CCSER1: variants seen among roughly 807,000 people sequenced by gnomAD.
CCSER1 encodes serine-rich coiled-coil domain-containing protein 1.
CCSER1 carries 41 observed loss-of-function variants against 82.0 expected under a neutral mutation model. The ratio of observed to expected loss-of-function variants is 0.50; its 90% CI spans 0.39 to 0.65. The LOEUF (loss-of-function observed/expected upper bound fraction) is 0.65. Among genes scored for constraint, CCSER1 ranks in the 30% least tolerant of loss-of-function variants. The pLI, the probability that CCSER1 is intolerant of heterozygous loss-of-function variation, is 0.00. For synonymous variants in CCSER1, 414 were observed against 383.9 expected, an observed-to-expected ratio of 1.08 and a Z score of -0.92; for missense variants, 1,119 against 1,064.2, an observed-to-expected ratio of 1.05 and a Z score of -0.72.
chr4:91,347,390 T>G (rs1270774505), intron 10 of CCSER1, among the ~76,000 whole-genome samples: 1 of 152,114 alleles, frequency 6.6e-6, no homozygotes, highest in African/African-American at 2.4e-5. Context: ...TGAAGTTTGG[T>G]AGTATCAGTC....
intron 5 of CCSER1, among the ~76,000 whole-genome samples, chr4:90,484,334 G>A (rs141845257): frequency 0.014 from 2,195 of 152,094 alleles, 45 homozygotes; most frequent in African/African-American, 0.05. Context: ...CCTTTAGCTC[G>A]GAGTAGTTTG....
intron 6 of CCSER1, among the ~76,000 whole-genome samples, chr4:90,640,738 G>A (rs540110108): frequency 1.5e-3 from 224 of 152,144 alleles, no homozygotes; most frequent in African/African-American, 5.1e-3. Context: ...GTTTAATAAG[G>A]GACTTTTTCC....
chr4:91,007,758 CTATT>C (rs1455051952), intron 9 of CCSER1, among the ~76,000 whole-genome samples: 1 of 147,452 alleles, frequency 6.8e-6, no homozygotes, highest in African/African-American at 2.5e-5. Flanking sequence ...TTGATATTTA[CTATT>C]TCTTTCCTTT....
intron 3 of CCSER1, among the ~76,000 whole-genome samples, chr4:90,389,331 C>G (rs1471083411): frequency 6.6e-6 from 1 of 152,138 alleles, no homozygotes; most frequent in Admixed American, 6.5e-5. Flanking sequence ...GACAACTAAG[C>G]AAGTATAGGG....
chr4:91,328,921 G>GGA (rs902719424), intron 10 of CCSER1, among the ~76,000 whole-genome samples: 3 of 151,990 alleles, frequency 2.0e-5, no homozygotes, highest in Admixed American at 6.6e-5. Flanking sequence ...GAGATCTGAG[G>GGA]GATTTATAAG....
At position 90,811,995 on chromosome 4, in the gene CCSER1, C is replaced by CACACACACACACATATATAT. The variant is rs367800484; in HGVS notation, c.2011-3766_2011-3765insCACACACACACATATATATA. On this transcript the variant is annotated intron_variant, in intron 7 of 10. Coordinates refer to ENST00000509176, the MANE Select transcript of CCSER1 (RefSeq NM_001145065.2). Reference sequence around the variant, plus strand: ...ATATATATATATATATATATAAACACATATATATATATGAGTTTATTAAGT... The same window carrying CACACACACACACATATATAT: ...ATATATATATATATATATATAAACACACACACACACACATATATATATATATATATATGAGTTTATTAAGT... Among the ~76,000 whole-genome samples, 18 of 142,772 alleles carry CACACACACACACATATATAT rather than the reference C, an allele frequency of 1.3e-4. 1 individual carries two copies. The highest frequency in any genetic ancestry group is 4.2e-4 in the African/African-American group (16 of 38,486). 93.7% of individuals were successfully genotyped at this position (142,772 alleles called of 152,430 possible).
intron 8 of CCSER1, among the ~76,000 whole-genome samples, chr4:90,866,216 A>G (rs532699328): frequency 2.0e-5 from 3 of 152,070 alleles, no homozygotes; most frequent in South Asian, 4.2e-4. Context: ...TCTCCTTGAC[A>G]ATGGCTAGCA....
At chr4:91,541,577 A>G (rs1005286912) in intron 10 of CCSER1, among the ~76,000 whole-genome samples, 24 of 152,154 alleles carry the variant, frequency 1.6e-4, no homozygotes, top group Non-Finnish European at 2.8e-4. Context: ...TTATGGCTGC[A>G]TAGTATTCCA....
chr4:91,402,192 C>G (rs1167395851), intron 10 of CCSER1, among the ~76,000 whole-genome samples: 1 of 152,140 alleles, frequency 6.6e-6, no homozygotes, highest in Non-Finnish European at 1.5e-5. Flanking sequence ...GCATAAATGT[C>G]TTCTTTTGAG....
At chr4:90,976,366 CT>C (rs913325715) in intron 9 of CCSER1, among the ~76,000 whole-genome samples, 2 of 150,974 alleles carry the variant, frequency 1.3e-5, no homozygotes, top group East Asian at 1.9e-4. Flanking sequence ...AATAAGATTT[CT>C]TTTTTGTATG....
chr4:90,389,236 T>G (rs1359637122), intron 3 of CCSER1, among the ~76,000 whole-genome samples: 1 of 152,150 alleles, frequency 6.6e-6, no homozygotes, highest in African/African-American at 2.4e-5. Flanking sequence ...TTATACACAC[T>G]GACAGTTGTG....
intron 8 of CCSER1, among the ~76,000 whole-genome samples, chr4:90,895,763 A>G (rs1723619867): frequency 6.6e-6 from 1 of 151,866 alleles, no homozygotes; most frequent in Non-Finnish European, 1.5e-5. Flanking sequence ...TTATATATAT[A>G]TTTCTCCCCT....
chr4:91,194,142 G>A (rs1293371281), intron 10 of CCSER1, among the ~76,000 whole-genome samples: 1 of 151,968 alleles, frequency 6.6e-6, no homozygotes, highest in Non-Finnish European at 1.5e-5. Context: ...GCTAATTTTT[G>A]TATTTTTAGT....
intron 5 of CCSER1, among the ~76,000 whole-genome samples, chr4:90,494,528 A>G (rs936622440): frequency 4.0e-5 from 6 of 151,792 alleles, no homozygotes; most frequent in African/African-American, 1.2e-4. Flanking sequence ...AAGCACTCCT[A>G]AATTCTTGTT....
intron 10 of CCSER1, among the ~76,000 whole-genome samples, chr4:91,480,363 T>C (rs934034862): frequency 6.6e-6 from 1 of 152,144 alleles, no homozygotes; most frequent in Admixed American, 6.5e-5. Context: ...CCACCAACAG[T>C]GTAAAAGTGT....
At chr4:91,304,352 G>C (rs1534558) in intron 10 of CCSER1, among the ~76,000 whole-genome samples, 5,884 of 152,096 alleles carry the variant, frequency 0.039, 396 homozygotes, top group African/African-American at 0.13. Flanking sequence ...GGTTTAATAA[G>C]AATGCAAGGC....
At chr4:90,748,890 T>C (rs1748038474) in intron 7 of CCSER1, among the ~76,000 whole-genome samples, 1 of 150,812 alleles carries the variant, frequency 6.6e-6, no homozygotes, top group African/African-American at 2.4e-5. Context: ...GGTTGTTTGT[T>C]TTTTTCTTGT....
At chr4:91,093,194 A>G (rs1157640107) in intron 10 of CCSER1, among the ~76,000 whole-genome samples, 2 of 152,178 alleles carry the variant, frequency 1.3e-5, no homozygotes, top group Non-Finnish European at 2.9e-5. Flanking sequence ...ATCCAAAGTT[A>G]CCACCGCATA....
chr4:90,721,895 A>G (rs563179260), intron 6 of CCSER1, among the ~76,000 whole-genome samples: 1 of 151,556 alleles, frequency 6.6e-6, no homozygotes, highest in East Asian at 1.9e-4. Flanking sequence ...ATTTATCTCA[A>G]TATTTCCTCA....
Sources: gnomAD v4.1 joint callset for allele counts (sites outside exome capture counted in the v4.1 genomes callset) on GRCh38, gnomAD v4.1.1 for gene constraint, MANE v1.5 for transcripts, NCBI Gene and HGNC (gene_info 2026-07-23, HGNC 2026-07-21) for gene names.